CHRNE: variants seen among roughly 807,000 people sequenced by gnomAD.
CHRNE encodes acetylcholine receptor subunit epsilon.
CHRNE carries 58 observed loss-of-function variants against 56.5 expected under a neutral mutation model. The observed-to-expected ratio is 1.03, with a 90% CI of 0.83 to 1.28. The LOEUF (loss-of-function observed/expected upper bound fraction) is 1.28, where lower values mean the gene tolerates loss of function less well. Among genes scored for constraint, CHRNE ranks in the 50% most tolerant of loss-of-function variants. CHRNE has a pLI of 0.00. For missense variants in CHRNE, 793 were observed against 688.9 expected (o/e 1.15, Z -1.69); for synonymous variants, 385 against 297.9 (o/e 1.29, Z -3.01).
upstream of CHRNE, among the ~76,000 whole-genome samples, chr17:4,907,780 G>A (rs1970110318): frequency 6.6e-6 from 1 of 152,102 alleles, no homozygotes; most frequent in Non-Finnish European, 1.5e-5. Flanking sequence ...GGTGGCTCGT[G>A]CCTGTAATCC....
intron 5 of CHRNE, 60 bp from the exon 6 acceptor site, chr17:4,901,685 C>T (rs1358546456): frequency 1.3e-6 from 2 of 1,525,496 alleles, no homozygotes; most frequent in African/African-American, 2.7e-5. Context: ...CGGCCTCAGG[C>T]CCAGCCCTGG....
In CHRNE at chr17:4,899,332, G is replaced by A. The variant is rs1053507936; in HGVS notation, c.1085C>T (p.Ala362Val). ...RLLGSPPPPE[A>V]PRAASPPRRA... The stretch of plus-strand genomic sequence containing the variant: ...CCTTGGGGGCGAGGCGGCCCGGGGG[G>A]CCTCGGGCGGCGGCGGGGAGCCCAG... Residue 362 changes from alanine to valine, a missense_variant, in exon 10 of 12, where the codon GCC becomes GTC. Ala to Val is a moderately conservative substitution (Grantham distance 64). Transcript: ENST00000649488. 5.2e-6 allele frequency: 8 copies of A among 1,552,872 alleles called. No homozygotes were observed. The highest frequency in any genetic ancestry group is 6.9e-6 in the Non-Finnish European group (8 of 1,156,154).
At position 4,901,920 on chromosome 17, in the gene CHRNE, A is replaced by G. The variant is rs1309891561; in HGVS notation, c.500+12T>C. ...ACAATAATCGTCCGGGCCTCGGAGTAGCTCTTCCCACCGGAAAATAAGCGA... is the reference window on the plus strand; with the variant it reads ...ACAATAATCGTCCGGGCCTCGGAGTGGCTCTTCCCACCGGAAAATAAGCGA... On this transcript the variant is annotated intron_variant, in intron 5 of 11. Transcript: ENST00000649488. The G allele has an allele frequency of 1.5e-6, 2 of 1,337,114 alleles. No homozygotes were observed. Among genetic ancestry groups the G allele is most frequent in the South Asian group, 2.3e-5 (2 of 87,620 alleles). 82.8% of individuals were successfully genotyped at this position (1,337,114 alleles called of 1,614,324 possible).
chr17:4,901,293 G>C (rs1246713837), intron 6 of CHRNE, 103 bp from the exon 7 acceptor site: 22 of 1,348,184 alleles, frequency 1.6e-5, no homozygotes, highest in Non-Finnish European at 2.3e-5. Flanking sequence ...AGGGTCATGG[G>C]CCGTCAGGAT....
chr17:4,898,913 CAG>C lies in CHRNE; in HGVS notation c.1327-24_1327-23del, dbSNP rs1567635584. Reference sequence around the variant, plus strand: ...CTTCCTGGGGAAGGGTCGGCACAGTCAGTAAAGAGGCAGCTGCAGGAGCCAGC... The same window carrying C: ...CTTCCTGGGGAAGGGTCGGCACAGTCTAAAGAGGCAGCTGCAGGAGCCAGC... On this transcript the variant is annotated intron_variant, in intron 11 of 11. Coordinates refer to ENST00000649488, the MANE Select transcript of CHRNE (RefSeq NM_000080.4). The C allele has an allele frequency of 1.7e-5, 26 of 1,570,656 alleles. No individual in the cohort carries two copies. In the African/African-American group the frequency reaches 3.2e-4, roughly 20 times the overall value.
chr17:4,903,926 C>T (rs1056006864), upstream of CHRNE, among the ~76,000 whole-genome samples: 4 of 152,268 alleles, frequency 2.6e-5, no homozygotes, highest in African/African-American at 4.8e-5. Context: ...GGCATGATCT[C>T]GGCTCACTGC....
At position 4,899,078 on chromosome 17, in the gene CHRNE, C is replaced by T. The variant is rs765647575; in HGVS notation, c.1249G>A (p.Ala417Thr). 5.0e-6 allele frequency: 8 copies of T among 1,611,140 alleles called. No homozygotes were observed. The East Asian group carries it at 1.6e-4, about 31-fold the overall frequency. The change falls in exon 11 of 12, where the codon GCC (alanine) becomes ACC (threonine). Residue 417 changes from alanine (A) to threonine (T), a missense_variant. Ala to Thr is a moderately conservative substitution (Grantham distance 58). Transcript: ENST00000649488. ...TCCACACAGCAGCGGACCTCGGGGG[C>T]GGCGGCGCCCAGGCTCTGGCAGAAG... ...AAFCQSLGAA[A>T]PEVRCCVDAV...
upstream of CHRNE, among the ~76,000 whole-genome samples, chr17:4,904,696 C>T (rs1034647949): frequency 1.3e-5 from 2 of 152,214 alleles, no homozygotes; most frequent in African/African-American, 2.4e-5. Context: ...CTCTATTGAT[C>T]TCGCACACCT....
At chr17:4,905,986 C>G (rs1393288049), upstream of CHRNE, among the ~76,000 whole-genome samples, 1 of 152,236 alleles carries the variant, frequency 6.6e-6, no homozygotes, top group African/African-American at 2.4e-5. Context: ...CTCTGCCGCT[C>G]TGTCCGCTCT....
chr17:4,900,088 G>A, intron 8 of CHRNE: 2 of 1,550,908 alleles, frequency 1.3e-6, no homozygotes, highest in Non-Finnish European at 8.7e-7. Flanking sequence ...CCACCCTGGG[G>A]CTGGTGTTGA....
At chr17:4,903,944 G>A (rs369156272), upstream of CHRNE, among the ~76,000 whole-genome samples, 1 of 152,080 alleles carries the variant, frequency 6.6e-6, no homozygotes, top group Admixed American at 6.6e-5. Context: ...TGCAACCTCC[G>A]CCTCCCGGGT....
At chr17:4,900,581 C>A (rs964750991) in intron 8 of CHRNE, 20 of 1,547,338 alleles carry the variant, frequency 1.3e-5, no homozygotes, top group Non-Finnish European at 1.7e-5. Flanking sequence ...GACTGTCCCC[C>A]AAGAGAGCTA....
At position 4,901,087 on chromosome 17, in the gene CHRNE, G is replaced by T. The variant is rs748765369; in HGVS notation, c.705C>A (p.Ile235=). The T allele has an allele frequency of 3.7e-6, 6 of 1,613,848 alleles. No homozygotes were observed. The East Asian group carries it at 8.9e-5, about 24-fold the overall frequency. ...CGTAGAAGAGCGGCTTCCGGCGGAT[G>T]ATGAGCGAGTAGATGACGTCAGTCT... ...PGETDVIYSL[I]IRRKPLFYVI... The change falls in exon 7 of 12, where the codon ATC becomes ATA. Residue 235 remains isoleucine, a synonymous_variant. Coordinates refer to ENST00000649488, the MANE Select transcript of CHRNE (RefSeq NM_000080.4).
chr17:4,901,221 T>G (rs940761317), intron 6 of CHRNE, 31 bp from the exon 7 acceptor site: 2 of 1,592,388 alleles, frequency 1.3e-6, no homozygotes, highest in Non-Finnish European at 1.7e-6. Flanking sequence ...CAGCTGGCTG[T>G]CAGAGCGGGG....
At chr17:4,904,775 A>T, upstream of CHRNE, among the ~76,000 whole-genome samples, 1 of 152,158 alleles carries the variant, frequency 6.6e-6, no homozygotes, top group African/African-American at 2.4e-5. Context: ...CCCACCTATG[A>T]GGTAGGTCAT....
At chr17:4,907,142 T>C (rs1313569201), upstream of CHRNE, among the ~76,000 whole-genome samples, 1 of 152,052 alleles carries the variant, frequency 6.6e-6, no homozygotes, top group Non-Finnish European at 1.5e-5. Flanking sequence ...ACAGAGTGAC[T>C]GTAGTCAATA....
At chr17:4,899,147 C>T (rs1260182977) in intron 10 of CHRNE, 40 bp from the exon 11 acceptor site, 3 of 1,597,446 alleles carry the variant, frequency 1.9e-6, no homozygotes, top group African/African-American at 2.7e-5. Flanking sequence ...AGGAGCCTCC[C>T]CCCTGGCAGG....
chr17:4,899,365 G>C lies in CHRNE; in HGVS notation c.1052C>G (p.Pro351Arg). The C allele has an allele frequency of 2.6e-6, 4 of 1,534,412 alleles. No homozygotes were observed. The highest frequency in any genetic ancestry group is 3.5e-6 in the Non-Finnish European group (4 of 1,145,848). The change falls in exon 10 of 12, where the codon CCG becomes CGG. Residue 351 changes from proline (P) to arginine (R), a missense_variant. By Grantham distance (103) the Pro-to-Arg change is moderately radical. Coordinates refer to ENST00000649488, the MANE Select transcript of CHRNE (RefSeq NM_000080.4). ...RLRHVLLELL[P>R]RLLGSPPPPE... ...CGGCGGCGGGGAGCCCAGGAGGCGC[G>C]GCAGCAGCTCCAGGAGAACCTGGGG...
At chr17:4,903,105 C>T, upstream of CHRNE, 3 of 1,611,714 alleles carry the variant, frequency 1.9e-6, no homozygotes, top group Non-Finnish European at 1.7e-6. Flanking sequence ...CTCTGGCAGG[C>T]TTGGAGGGGG....
Sources: gnomAD v4.1 joint callset for allele counts (sites outside exome capture counted in the v4.1 genomes callset) on GRCh38, gnomAD v4.1.1 for gene constraint, MANE v1.5 for transcripts, NCBI Gene and HGNC (gene_info 2026-07-23, HGNC 2026-07-21) for gene names.